TENM2: variants seen among roughly 807,000 people sequenced by gnomAD.
TENM2 encodes the protein teneurin transmembrane protein 2, also known as teneurin-2.
In TENM2, 52 loss-of-function variants were observed where a neutral mutation model predicts 245.2. The ratio of observed to expected loss-of-function variants is 0.21; its 90% CI spans 0.17 to 0.27. TENM2 has a LOEUF of 0.27. TENM2 is among the 10% of genes least tolerant of loss of function. The probability of loss-of-function intolerance (pLI) is 1.00; values close to 1 mark genes in which losing one functional copy is unlikely to be tolerated. For missense variants in TENM2, 3,046 were observed against 3,666.8 expected, an observed-to-expected ratio of 0.83 and a Z score of 4.37; for synonymous variants, 1,363 against 1,438.9, an observed-to-expected ratio of 0.95 and a Z score of 1.19.
upstream of TENM2, among the ~76,000 whole-genome samples, chr5:167,280,970 T>C (rs1771022895): frequency 6.6e-6 from 1 of 152,110 alleles, no homozygotes; most frequent in African/African-American, 2.4e-5. Flanking sequence ...CTTTTAGCTG[T>C]ACCTTGTAGG....
chr5:167,378,423 C>G (rs1760899164), intron 2 of TENM2, among the ~76,000 whole-genome samples: 1 of 148,554 alleles, frequency 6.7e-6, no homozygotes, highest in South Asian at 2.1e-4. Context: ...GTGCTTCATC[C>G]TACACTCATT....
chr5:168,169,064 AC>A (rs1316534910), intron 13 of TENM2, among the ~76,000 whole-genome samples: 2 of 152,230 alleles, frequency 1.3e-5, no homozygotes, highest in Non-Finnish European at 2.9e-5. Flanking sequence ...GTGAGAGGTG[AC>A]AGAGATGGAC....
At chr5:168,178,728 T>C (rs4976578) in intron 13 of TENM2, among the ~76,000 whole-genome samples, 128,286 of 152,198 alleles carry the variant, frequency 0.84, 54,603 homozygotes, top group African/African-American at 0.94. Flanking sequence ...ATAAGTCCTG[T>C]GACATTCAGA....
At position 167,356,217 on chromosome 5, in the gene TENM2, A is replaced by AAAAAAAAAAAAAAAAAGAAAAATT. The variant is rs1759321624; in HGVS notation, c.227-18977_227-18976insAAAAAAAAAAAAGAAAAATTAAAA. Among the ~76,000 whole-genome samples the AAAAAAAAAAAAAAAAAGAAAAATT allele has an allele frequency of 2.7e-4, 35 of 129,152 alleles. 1 individual carries two copies. Among genetic ancestry groups the AAAAAAAAAAAAAAAAAGAAAAATT allele is most frequent in the African/African-American group, 1.1e-3 (35 of 31,238 alleles). The allele number at this position is 129,152 out of a possible 152,430, so 84.7% of individuals were successfully genotyped here. A position where few individuals can be genotyped will look rare whatever the true frequency, so the allele number is the denominator to read the frequency against. On this transcript the variant is annotated intron_variant, in intron 1 of 28. Transcript: ENST00000518659. Reference sequence around the variant, plus strand: ...AAAAAAAAAAAAAAAAAAAAAAAAAAAAAATTAAAATTAAAAAAAAGGCAG... The same window carrying AAAAAAAAAAAAAAAAAGAAAAATT: ...AAAAAAAAAAAAAAAAAAAAAAAAAAAAAAAAAAAAAAAAAAGAAAAATTAAAATTAAAATTAAAAAAAAGGCAG...
intron 3 of TENM2, among the ~76,000 whole-genome samples, chr5:167,914,525 A>G (rs1028479818): frequency 1.3e-5 from 2 of 152,186 alleles, no homozygotes; most frequent in Non-Finnish European, 2.9e-5. Context: ...TCTCAACGTC[A>G]GCTGATTGGT....
At chr5:167,809,329 C>G (rs1335588063) in intron 2 of TENM2, among the ~76,000 whole-genome samples, 1 of 152,120 alleles carries the variant, frequency 6.6e-6, no homozygotes, top group Non-Finnish European at 1.5e-5. Flanking sequence ...ATTTTTGAAT[C>G]ACTTTTCTTC....
intron 25 of TENM2, among the ~76,000 whole-genome samples, chr5:168,236,937 ATCATATATATATATATAT>A (rs1562318408): frequency 2.4e-4 from 15 of 61,298 alleles, no homozygotes; most frequent in Non-Finnish European, 3.8e-4. Context: ...AGATGTCCTA[ATCATATATATATATATAT>A]ATATATATAT....
At chr5:168,162,213 T>C (rs1274026896) in intron 12 of TENM2, among the ~76,000 whole-genome samples, 1 of 152,134 alleles carries the variant, frequency 6.6e-6, no homozygotes, top group Non-Finnish European at 1.5e-5. Context: ...TTTTTTCTCT[T>C]CTACAGAAGA....
intron 2 of TENM2, among the ~76,000 whole-genome samples, chr5:167,568,961 C>T (rs953812271): frequency 7.3e-5 from 11 of 151,270 alleles, no homozygotes; most frequent in Admixed American, 5.9e-4. Flanking sequence ...GGATGACTAT[C>T]AGCTAATAAC....
At chr5:167,415,245 C>A (rs1213799341) in intron 2 of TENM2, among the ~76,000 whole-genome samples, 2 of 150,220 alleles carry the variant, frequency 1.3e-5, no homozygotes, top group African/African-American at 2.4e-5. Flanking sequence ...GAAATTGTAT[C>A]ATTCTTTCCA....
chr5:168,073,445 T>A (rs987784213), intron 7 of TENM2, among the ~76,000 whole-genome samples: 2 of 152,220 alleles, frequency 1.3e-5, no homozygotes, highest in African/African-American at 4.8e-5. Context: ...TGGGCTGTGT[T>A]GAAGCTTCAT....
chr5:167,378,457 G>A (rs1760901275), intron 2 of TENM2, among the ~76,000 whole-genome samples: 1 of 146,054 alleles, frequency 6.8e-6, no homozygotes, highest in African/African-American at 2.5e-5. Context: ...CATTAACATT[G>A]TGCTGGCTTG....
chr5:168,200,311 A>G (rs1044542161), intron 17 of TENM2, among the ~76,000 whole-genome samples, 180 bp downstream of exon 19: 1 of 152,234 alleles, frequency 6.6e-6, no homozygotes, highest in African/African-American at 2.4e-5. Context: ...GTATTGAGAT[A>G]ATAAATACAA....
At chr5:167,729,340 A>T (rs2244456) in intron 2 of TENM2, among the ~76,000 whole-genome samples, 74,597 of 152,110 alleles carry the variant, frequency 0.49, 20,715 homozygotes, top group East Asian at 0.79. Flanking sequence ...AGTTTTTGCA[A>T]GTGAATAGAC....
intron 5 of TENM2, among the ~76,000 whole-genome samples, chr5:168,002,987 C>T (rs961772706): frequency 3.3e-5 from 5 of 152,180 alleles, no homozygotes; most frequent in African/African-American, 7.2e-5. Context: ...TTTAAAAAGC[C>T]TGGGGTAAGT....
At chr5:167,477,387 C>T (rs1425568196) in intron 2 of TENM2, among the ~76,000 whole-genome samples, 1 of 151,694 alleles carries the variant, frequency 6.6e-6, no homozygotes, top group African/African-American at 2.4e-5. Flanking sequence ...GACAAAAATG[C>T]ATAAACATTA....
chr5:167,968,006 G>A (rs975002795), intron 4 of TENM2, among the ~76,000 whole-genome samples: 1 of 152,154 alleles, frequency 6.6e-6, no homozygotes, highest in African/African-American at 2.4e-5. Context: ...GGCAGGGGAA[G>A]TAGGTCCTGC....
intron 2 of TENM2, among the ~76,000 whole-genome samples, chr5:167,631,329 G>A (rs549718443): frequency 1.3e-5 from 2 of 152,288 alleles, no homozygotes; most frequent in East Asian, 1.9e-4. Flanking sequence ...CTCACTGAGA[G>A]TGTGACATTT....
rs140717587 is a variant in TENM2 at position 167,818,528 on chromosome 5, T to G, written c.503-57458T>G. Among the ~76,000 whole-genome samples the G allele has an allele frequency of 2.7e-3, 418 of 152,204 alleles. 1 individual carries two copies. Among genetic ancestry groups the G allele is most frequent in the African/African-American group, 9.2e-3 (383 of 41,526 alleles). ...AATAATATGATCTCATTACCCATAGTTTCCAGATGAGGAAACTGAGTCTCA... is the reference window on the plus strand; with the variant it reads ...AATAATATGATCTCATTACCCATAGGTTCCAGATGAGGAAACTGAGTCTCA... On this transcript the variant is annotated intron_variant, in intron 2 of 28. Coordinates refer to ENST00000518659, the Ensembl canonical transcript of TENM2.
Sources: gnomAD v4.1 joint callset for allele counts (sites outside exome capture counted in the v4.1 genomes callset) on GRCh38, gnomAD v4.1.1 for gene constraint, MANE v1.5 for transcripts, NCBI Gene and HGNC (gene_info 2026-07-23, HGNC 2026-07-21) for gene names.